FAM89A: variants seen among roughly 807,000 people sequenced by gnomAD.
FAM89A encodes the protein family with sequence similarity 89 member A, also known as protein FAM89A.
FAM89A carries 10 observed loss-of-function variants against 7.1 expected under a neutral mutation model. The observed-to-expected ratio is 1.40, with a 90% confidence interval of 0.86 to 2.38. FAM89A has a LOEUF of 2.38. Among genes scored for constraint, FAM89A ranks in the 30% most tolerant of loss-of-function variants. FAM89A has a pLI of 0.00. For synonymous variants in FAM89A, 157 were observed against 129.3 expected (o/e 1.21, Z -1.45); for missense variants, 276 against 262.8 (o/e 1.05, Z -0.35).
intron 1 of FAM89A, among the ~76,000 whole-genome samples, chr1:231,032,607 T>C (rs927879958): frequency 9.9e-5 from 13 of 131,026 alleles, no homozygotes; most frequent in African/African-American, 2.9e-4. Context: ...TTAATTGCAA[T>C]TGAGAGTCCC....
chr1:231,022,241 G>A, intron 1 of FAM89A: 1 of 847,522 alleles, frequency 1.2e-6, no homozygotes, highest in Non-Finnish European at 2.0e-6. Flanking sequence ...AGTGGTATCT[G>A]CCTCCATTTT....
At chr1:231,033,343 T>C (rs1680105454) in intron 1 of FAM89A, among the ~76,000 whole-genome samples, 1 of 152,196 alleles carries the variant, frequency 6.6e-6, no homozygotes, top group African/African-American at 2.4e-5. Context: ...TATGAAAAGC[T>C]TGGTTTTTCA....
In FAM89A at chr1:231,040,074, GC is replaced by G. The variant is rs1385653974; in HGVS notation, c.137del (p.Gly46AlafsTer19). 6 of 1,443,410 alleles carry G rather than the reference GC, an allele frequency of 4.2e-6. No homozygotes were observed. Among genetic ancestry groups the G allele is most frequent in the South Asian group, 2.8e-5 (2 of 72,196 alleles). The allele number at this position is 1,443,410 out of a possible 1,614,324, so 89.4% of individuals were successfully genotyped here. Reference protein sequence around the residue: ...HSASGGGASGGWRHLERLYAQ... With the variant: ...HSASGGGASGXWRHLERLYAQ... ...CGTACAGCCGCTCCAGGTGCCGCCA[GC>G]CCCCAGACGCGCCGCCGCCCGACGC... is the stretch of plus-strand genomic sequence containing the variant. On this transcript the variant is annotated frameshift_variant, in exon 1 of 2. Transcript: ENST00000366654. LOFTEE classifies it high-confidence loss of function.
rs182752321 is a variant in FAM89A, at chr1:231,019,208, G to A, written c.*655C>T. The A allele has an allele frequency of 7.1e-5, 10 of 141,262 alleles. No homozygotes were observed. The highest frequency in any genetic ancestry group is 6.1e-4 in the East Asian group (3 of 4,914). The allele number at this position is 141,262 out of a possible 1,614,324, so 8.8% of individuals were successfully genotyped here. A position where few individuals can be genotyped will look rare whatever the true frequency, so the allele number is the denominator to read the frequency against. On this transcript the variant is annotated 3_prime_UTR_variant, in exon 2 of 2. Coordinates refer to ENST00000366654, the MANE Select transcript of FAM89A (RefSeq NM_198552.3). ...TTTTTTCACTATTCAACATGTCTTC[G>A]TATTATCTTCCTTCCTCTCGTATCT...
chr1:231,021,522 C>G, intron 1 of FAM89A: 3 of 735,612 alleles, frequency 4.1e-6, no homozygotes, highest in Non-Finnish European at 4.6e-6. Flanking sequence ...CCAGAGGGCA[C>G]GAAAGGTTGA....
At chr1:231,027,953 C>A (rs1315847911) in intron 1 of FAM89A, among the ~76,000 whole-genome samples, 1 of 152,240 alleles carries the variant, frequency 6.6e-6, no homozygotes, top group East Asian at 1.9e-4. Flanking sequence ...CTTCTCTCTC[C>A]TGACACAGGA....
chr1:231,038,898 C>G (rs749920126), intron 1 of FAM89A, among the ~76,000 whole-genome samples: 1 of 152,136 alleles, frequency 6.6e-6, no homozygotes, highest in Non-Finnish European at 1.5e-5. Context: ...TGGGAAAAGG[C>G]AGCTTTCCTA....
chr1:231,025,722 CAG>C (rs967523367), intron 1 of FAM89A, among the ~76,000 whole-genome samples: 39 of 149,748 alleles, frequency 2.6e-4, no homozygotes, highest in African/African-American at 8.9e-4. Flanking sequence ...AAAGGAGAGA[CAG>C]GGAAAGAAAG....
chr1:231,039,823 TG>T, intron 1 of FAM89A, 97 bp downstream of exon 1: 1 of 1,166,372 alleles, frequency 8.6e-7, no homozygotes, highest in Non-Finnish European at 1.1e-6. Context: ...AAAGGGCGGG[TG>T]GGCGCGGGGA....
chr1:231,021,491 T>C (rs890954152), intron 1 of FAM89A: 5 of 642,824 alleles, frequency 7.8e-6, no homozygotes, highest in Middle Eastern at 4.1e-4. Context: ...ATCCAAATTC[T>C]TTTGCAAGCC....
intron 1 of FAM89A, chr1:231,021,579 C>G (rs1352517550): frequency 7.8e-7 from 1 of 1,280,946 alleles, no homozygotes. Flanking sequence ...ACTTCCTTTT[C>G]TGTTAGGAAA....
chr1:231,021,351 A>G (rs11586218), intron 1 of FAM89A, among the ~76,000 whole-genome samples: 9,362 of 152,336 alleles, frequency 0.061, 354 homozygotes, highest in Non-Finnish European at 0.095. Flanking sequence ...CCCGGGCTAA[A>G]GCACTAAAGA....
intron 1 of FAM89A, among the ~76,000 whole-genome samples, chr1:231,030,136 T>G (rs1680044335): frequency 6.6e-6 from 1 of 152,228 alleles, no homozygotes; most frequent in Non-Finnish European, 1.5e-5. Context: ...TGACCTGGTC[T>G]CCTATGTAGC....
At chr1:231,030,140 A>G (rs1343612837) in intron 1 of FAM89A, among the ~76,000 whole-genome samples, 1 of 152,188 alleles carries the variant, frequency 6.6e-6, no homozygotes, top group Non-Finnish European at 1.5e-5. Flanking sequence ...CTGGTCTCCT[A>G]TGTAGCCTTC....
chr1:231,023,809 T>C (rs1016101940), intron 1 of FAM89A, among the ~76,000 whole-genome samples: 1 of 152,196 alleles, frequency 6.6e-6, no homozygotes, highest in African/African-American at 2.4e-5. Flanking sequence ...CTGGACATCA[T>C]TGCCATTAAC....
intron 1 of FAM89A, among the ~76,000 whole-genome samples, chr1:231,030,724 T>TC (rs1304848314): frequency 6.6e-6 from 1 of 152,228 alleles, no homozygotes; most frequent in Admixed American, 6.5e-5. Flanking sequence ...CTCCAAACAC[T>TC]CTAAAAAATT....
chr1:231,031,320 G>A (rs1420018261), intron 1 of FAM89A, among the ~76,000 whole-genome samples: 1 of 152,068 alleles, frequency 6.6e-6, no homozygotes, highest in Non-Finnish European at 1.5e-5. Context: ...AGACAATTGT[G>A]GATATTCCTC....
At chr1:231,030,991 C>T (rs1482800898) in intron 1 of FAM89A, among the ~76,000 whole-genome samples, 1 of 151,964 alleles carries the variant, frequency 6.6e-6, no homozygotes, top group East Asian at 1.9e-4. Flanking sequence ...TTGCCTGTGG[C>T]CCCAGCTACT....
chr1:231,030,824 C>T (rs1205921701), intron 1 of FAM89A, among the ~76,000 whole-genome samples: 1 of 152,154 alleles, frequency 6.6e-6, no homozygotes, highest in East Asian at 1.9e-4. Flanking sequence ...ATTTAAAAGT[C>T]ACCAACCAGG....
Sources: allele counts gnomAD v4.1 joint callset (sites outside exome capture counted in the v4.1 genomes callset), GRCh38; gene constraint gnomAD v4.1.1; transcripts MANE v1.5; gene names NCBI Gene and HGNC (gene_info 2026-07-23, HGNC 2026-07-21).